ATG4C: variants seen among roughly 807,000 people sequenced by gnomAD.
ATG4C encodes the protein cysteine protease ATG4C.
A neutral mutation model predicts 57.6 loss-of-function variants in ATG4C; 56 were observed. That is an observed-to-expected ratio of 0.97 (90% CI 0.78 to 1.21). ATG4C has a LOEUF of 1.21. Ranked by LOEUF, ATG4C falls within the 50% of genes most tolerant of loss-of-function variation. The pLI, the probability that ATG4C is intolerant of heterozygous loss-of-function variation, is 0.00. For missense variants in ATG4C, 595 were observed against 529.8 expected (o/e 1.12, Z -1.21); for synonymous variants, 157 against 174.1 (o/e 0.90, Z 0.78).
intron 3 of ATG4C, among the ~76,000 whole-genome samples, chr1:62,812,459 A>C (rs187475106): frequency 8.5e-5 from 13 of 152,336 alleles, no homozygotes; most frequent in African/African-American, 3.1e-4. Flanking sequence ...CTAGGTATTG[A>C]TGGAATGTAT....
At chr1:62,798,620 G>T (rs186941691) in intron 1 of ATG4C, among the ~76,000 whole-genome samples, 15 of 151,800 alleles carry the variant, frequency 9.9e-5, no homozygotes, top group African/African-American at 3.6e-4. Context: ...CCAAAGTTAA[G>T]ATTTTTAGAA....
chr1:62,815,105 G>A lies in ATG4C; in HGVS notation c.161-1470G>A, dbSNP rs140632086. Among the ~76,000 whole-genome samples the A allele has an allele frequency of 3.4e-3, 514 of 151,856 alleles. 3 individuals carry two copies. Among genetic ancestry groups the A allele is most frequent in the African/African-American group, 0.011 (469 of 41,422 alleles). On this transcript the variant is annotated intron_variant, in intron 3 of 10. Coordinates refer to ENST00000317868, the MANE Select transcript of ATG4C (RefSeq NM_032852.4). ...ATAAATAAATAAATGTGTTTAAACC[G>A]TTTACTTTTAATATGATTATTGATA...
intron 1 of ATG4C, among the ~76,000 whole-genome samples, chr1:62,802,106 C>G (rs1351597781): frequency 6.6e-6 from 1 of 151,628 alleles, no homozygotes; most frequent in Non-Finnish European, 1.5e-5. Flanking sequence ...TGTTTCCTAT[C>G]TCAGTGATTG....
chr1:62,847,594 A>C (rs1666365987), intron 10 of ATG4C, among the ~76,000 whole-genome samples: 1 of 152,184 alleles, frequency 6.6e-6, no homozygotes, highest in East Asian at 1.9e-4. Flanking sequence ...CCACACAATG[A>C]GTAAAAAATC....
rs567948426 is a variant in ATG4C, at chr1:62,841,491, G to A, written c.1153G>A (p.Gly385Arg). 22 of 1,606,936 alleles carry A rather than the reference G, an allele frequency of 1.4e-5. No individual in the cohort carries two copies. The East Asian group carries it at 4.7e-4, about 34-fold the overall frequency. Residue 385 changes from glycine (G) to arginine (R), a missense_variant, in exon 10 of 11, where the codon GGA (glycine) becomes AGA (arginine). Physicochemically the swap from Gly to Arg is moderately radical, Grantham distance 125. Transcript: ENST00000317868. The stretch of plus-strand genomic sequence containing the variant: ...AAAAATGGATCCCAGCTGTACAATA[G>A]GATTTTACTGTCGAAATGTTCAGGA... ...FRKMDPSCTI[G>R]FYCRNVQDFK... is the part of the protein sequence containing the mutation.
rs1194213978 is a variant in ATG4C at position 62,816,830 on chromosome 1, GT to G, written c.394+26del. The G allele has an allele frequency of 2.1e-6, 3 of 1,418,510 alleles. No homozygotes were observed. The African/African-American group carries it at 4.4e-5, about 21-fold the overall frequency. The allele number at this position is 1,418,510 out of a possible 1,614,324, so 87.9% of individuals were successfully genotyped here. On this transcript the variant is annotated intron_variant, in intron 4 of 10. Coordinates refer to ENST00000317868, the MANE Select transcript of ATG4C (RefSeq NM_032852.4). ...AGAGGTAAATCAAATTTCTGTTTTT[GT>G]TTTGTTTTGTTTTGTTTTTTTGTCG...
intron 10 of ATG4C, among the ~76,000 whole-genome samples, chr1:62,860,595 T>C (rs537385969): frequency 6.6e-6 from 1 of 152,356 alleles, no homozygotes; most frequent in South Asian, 2.1e-4. Context: ...CTGTACTATT[T>C]ACATAACTAT....
chr1:62,790,219 A>G (rs1664231471), intron 1 of ATG4C, among the ~76,000 whole-genome samples: 1 of 152,168 alleles, frequency 6.6e-6, no homozygotes, highest in Non-Finnish European at 1.5e-5. Context: ...CGGCCAACAT[A>G]TACATTTTTT....
At chr1:62,846,587 G>A (rs1666331513) in intron 10 of ATG4C, among the ~76,000 whole-genome samples, 2 of 152,150 alleles carry the variant, frequency 1.3e-5, no homozygotes, top group South Asian at 4.1e-4. Context: ...TCCTTCTGAA[G>A]CCTGTTTTGC....
At chr1:62,835,383 C>T (rs981221146) in intron 9 of ATG4C, 14 of 352,962 alleles carry the variant, frequency 4.0e-5, no homozygotes, top group Non-Finnish European at 4.0e-5. Context: ...TTCCTTTATA[C>T]AGGTCATTTT....
At chr1:62,815,073 AAAATAAAT>A (rs200536076) in intron 3 of ATG4C, among the ~76,000 whole-genome samples, 2,698 of 152,238 alleles carry the variant, frequency 0.018, 34 homozygotes, top group South Asian at 0.056. Flanking sequence ...TCAAAAACTA[AAAATAAAT>A]AAATAAATAA....
intron 3 of ATG4C, among the ~76,000 whole-genome samples, chr1:62,809,365 A>C (rs1487774987): frequency 6.7e-6 from 1 of 148,652 alleles, no homozygotes; most frequent in Non-Finnish European, 1.5e-5. Flanking sequence ...TATATAATAA[A>C]TATATGTACA....
chr1:62,785,307 T>A (rs1001465617), intron 1 of ATG4C: 2 of 152,318 alleles, frequency 1.3e-5, no homozygotes, highest in Non-Finnish European at 1.5e-5. Context: ...AAGCTTCTTC[T>A]TTGAACAGGA....
chr1:62,796,968 C>T (rs1419908299), intron 1 of ATG4C, among the ~76,000 whole-genome samples: 3 of 152,048 alleles, frequency 2.0e-5, no homozygotes, highest in African/African-American at 4.8e-5. Context: ...ATTAGCTGGG[C>T]ATGGTGGCAC....
intron 3 of ATG4C, among the ~76,000 whole-genome samples, chr1:62,811,950 A>C (rs1665099874): frequency 6.6e-6 from 1 of 152,184 alleles, no homozygotes; most frequent in Admixed American, 6.6e-5. Flanking sequence ...TTAAAGTCAC[A>C]GTTTCTGGGA....
intron 1 of ATG4C, among the ~76,000 whole-genome samples, chr1:62,798,969 T>C (rs1664564652): frequency 6.6e-6 from 1 of 152,172 alleles, no homozygotes; most frequent in Admixed American, 6.5e-5. Flanking sequence ...GACAGTATCT[T>C]GTTCTGTCGT....
chr1:62,847,692 A>G (rs901225639), intron 10 of ATG4C, among the ~76,000 whole-genome samples: 10 of 152,216 alleles, frequency 6.6e-5, no homozygotes, highest in African/African-American at 2.4e-4. Flanking sequence ...GCCATGAATT[A>G]GGAGTAGGTA....
At chr1:62,827,414 A>G (rs1665697983) in intron 6 of ATG4C, among the ~76,000 whole-genome samples, 2 of 152,094 alleles carry the variant, frequency 1.3e-5, no homozygotes, top group Non-Finnish European at 1.5e-5. Context: ...TGATTCAAAT[A>G]TTACTTTCTC....
chr1:62,840,891 A>C (rs1320403684), intron 9 of ATG4C, among the ~76,000 whole-genome samples: 1 of 152,236 alleles, frequency 6.6e-6, no homozygotes, highest in African/African-American at 2.4e-5. Flanking sequence ...TCAAAGAGAA[A>C]GTTGAAGAAT....
Sources: gnomAD v4.1 joint callset for allele counts (sites outside exome capture counted in the v4.1 genomes callset) on GRCh38, gnomAD v4.1.1 for gene constraint, MANE v1.5 for transcripts, NCBI Gene and HGNC (gene_info 2026-07-23, HGNC 2026-07-21) for gene names.